KCNH8: variants seen among roughly 807,000 people sequenced by gnomAD.
KCNH8 encodes potassium voltage-gated channel subfamily H member 8, also known as voltage-gated delayed rectifier potassium channel KCNH8.
A neutral mutation model predicts 103.6 loss-of-function variants in KCNH8; 70 were observed. The ratio of observed to expected loss-of-function variants is 0.68; its 90% confidence interval spans 0.56 to 0.82. The LOEUF (loss-of-function observed/expected upper bound fraction) is 0.82, where lower values mean the gene tolerates loss of function less well. Ranked by LOEUF, KCNH8 falls within the 40% of genes least tolerant of loss-of-function variation. The pLI is 0.00. For synonymous variants in KCNH8, 498 were observed against 489.4 expected (o/e 1.02, Z -0.23); for missense variants, 1,217 against 1,329.9 (o/e 0.92, Z 1.32).
At chr3:19,241,735 C>G (rs1419735934) in intron 1 of KCNH8, among the ~76,000 whole-genome samples, 3 of 151,976 alleles carry the variant, frequency 2.0e-5, no homozygotes, top group South Asian at 2.1e-4. Context: ...CACACACACA[C>G]ACACACACAC....
intron 11 of KCNH8, among the ~76,000 whole-genome samples, chr3:19,463,976 C>T (rs913224380): frequency 5.3e-5 from 8 of 151,994 alleles, no homozygotes; most frequent in East Asian, 1.9e-4. Flanking sequence ...GAAACAATAC[C>T]GCTTGCGTAA....
At chr3:19,248,660 C>T (rs1205209530) in intron 1 of KCNH8, among the ~76,000 whole-genome samples, 1 of 152,140 alleles carries the variant, frequency 6.6e-6, no homozygotes, top group Admixed American at 6.6e-5. Context: ...AGCATTGGAT[C>T]TTAGACAGGA....
At chr3:19,400,544 G>C (rs1021102099) in intron 7 of KCNH8, among the ~76,000 whole-genome samples, 1 of 151,878 alleles carries the variant, frequency 6.6e-6, no homozygotes, top group African/African-American at 2.4e-5. Context: ...GTAATAGAGA[G>C]GAAGCTCTTT....
In KCNH8 at chr3:19,513,122, C is replaced by G. The variant is rs1426318433; in HGVS notation, c.2232C>G (p.Ser744Arg). 1.7e-5 allele frequency: 27 copies of G among 1,613,812 alleles called. No homozygotes were observed. Among genetic ancestry groups the G allele is most frequent in the Non-Finnish European group, 2.2e-5 (26 of 1,179,934 alleles). ...GSSSRNKKVG[S>R]NKAYLGLSLK... Reference sequence around the variant, plus strand: ...CTTCGCGCAACAAGAAGGTTGGAAGCAATAAAGCCTACCTGGGCTTAAGCT... The same window carrying G: ...CTTCGCGCAACAAGAAGGTTGGAAGGAATAAAGCCTACCTGGGCTTAAGCT... The change falls in exon 13 of 16, where the codon AGC becomes AGG. Residue 744 changes from serine to arginine, a missense_variant. Transcript: ENST00000328405.
chr3:19,489,119 T>A (rs1164878581), intron 11 of KCNH8, among the ~76,000 whole-genome samples: 1 of 151,794 alleles, frequency 6.6e-6, no homozygotes, highest in Non-Finnish European at 1.5e-5. Context: ...AAGGGAGGAG[T>A]TTCTCCTTCA....
chr3:19,488,114 G>A (rs757565833), intron 11 of KCNH8, among the ~76,000 whole-genome samples: 46 of 152,148 alleles, frequency 3.0e-4, no homozygotes, highest in Non-Finnish European at 2.5e-4. Flanking sequence ...ATTGAACAAA[G>A]CTCTCTCATC....
chr3:19,513,361 C>T (rs745345666), intron 13 of KCNH8, 36 bp downstream of exon 13: 141 of 1,545,236 alleles, frequency 9.1e-5, no homozygotes, highest in Non-Finnish European at 1.1e-4. Flanking sequence ...CTCACGTGAA[C>T]GTGGCTGCCT....
chr3:19,441,487 T>G (rs576248420), intron 8 of KCNH8, among the ~76,000 whole-genome samples: 9 of 152,322 alleles, frequency 5.9e-5, no homozygotes, highest in Middle Eastern at 3.4e-3. Context: ...ATGACAGATC[T>G]AAAGTATGGA....
chr3:19,239,635 A>AATCTATCTATCTATCT (rs10571316), intron 1 of KCNH8, among the ~76,000 whole-genome samples: 3 of 145,756 alleles, frequency 2.1e-5, no homozygotes, highest in African/African-American at 5.3e-5. Context: ...AGAATGATGG[A>AATCTATCTATCTATCT]ATCTATCTAT....
intron 1 of KCNH8, among the ~76,000 whole-genome samples, chr3:19,234,720 C>T (rs1165507106): frequency 2.6e-5 from 4 of 152,272 alleles, no homozygotes; most frequent in African/African-American, 9.6e-5. Flanking sequence ...AAGGGCTCCT[C>T]AAGTGCCGCC....
rs538864344 is a variant in KCNH8, at chr3:19,471,848, C to A, written c.2040+14866C>A. Among the ~76,000 whole-genome samples, 13 of 152,254 alleles carry A rather than the reference C, an allele frequency of 8.5e-5. No homozygotes were observed. The South Asian group carries it at 2.7e-3, about 32-fold the overall frequency. The stretch of plus-strand genomic sequence containing the variant: ...TAATCCTGTGATTACTGAATGCCAG[C>A]TAAGTTAATGGAGCATTCATAGGAA... On this transcript the variant is annotated intron_variant, in intron 11 of 15. Transcript: ENST00000328405.
intron 11 of KCNH8, among the ~76,000 whole-genome samples, chr3:19,466,770 T>C (rs1196293734): frequency 6.8e-6 from 1 of 146,032 alleles, no homozygotes; most frequent in Non-Finnish European, 1.5e-5. Context: ...CAAGCGATTC[T>C]CCTGCCTCAG....
At chr3:19,335,483 G>GTGTA (rs1482228213) in intron 3 of KCNH8, among the ~76,000 whole-genome samples, 8 of 141,362 alleles carry the variant, frequency 5.7e-5, no homozygotes, top group Non-Finnish European at 1.5e-5. Context: ...ATATGTGTGT[G>GTGTA]TATATATATA....
chr3:19,281,197 G>A lies in KCNH8; in HGVS notation c.311-1G>A. Reference sequence around the variant, plus strand: ...GTATTTTTTTTTCTTTACTGTTGCAGGGTCTCCATTTTGGTGCCTACTGGA... The same window carrying A: ...GTATTTTTTTTTCTTTACTGTTGCAAGGTCTCCATTTTGGTGCCTACTGGA... On this transcript the variant is annotated splice_acceptor_variant, in intron 2 of 15. Transcript: ENST00000328405. LOFTEE classifies it high-confidence loss of function. 1 of 1,608,504 alleles carries A rather than the reference G, an allele frequency of 6.2e-7. No individual in the cohort carries two copies. The highest frequency in any genetic ancestry group is 8.5e-7 in the Non-Finnish European group (1 of 1,177,344).
intron 1 of KCNH8, among the ~76,000 whole-genome samples, chr3:19,216,938 G>T (rs1265252585): frequency 6.6e-6 from 1 of 152,200 alleles, no homozygotes; most frequent in African/African-American, 2.4e-5. Flanking sequence ...CAATATGAGA[G>T]CAGGACTTTG....
chr3:19,533,380 G>A lies in KCNH8; in HGVS notation c.2620-15G>A, dbSNP rs373935823. 60 of 1,558,386 alleles carry A rather than the reference G, an allele frequency of 3.9e-5. 2 individuals carry two copies. The highest frequency in any genetic ancestry group is 4.8e-5 in the Non-Finnish European group (54 of 1,129,630). On this transcript the variant is annotated splice_polypyrimidine_tract_variant and intron_variant, in intron 15 of 15. Coordinates refer to ENST00000328405, the MANE Select transcript of KCNH8 (RefSeq NM_144633.3). ...ACCTCTAACTATTGTCTTTCACTTT[G>A]CTCTATCCACATAGGTAACAACATT...
intron 7 of KCNH8, among the ~76,000 whole-genome samples, chr3:19,422,667 A>AT (rs2066967828): frequency 6.6e-6 from 1 of 152,072 alleles, no homozygotes; most frequent in South Asian, 2.1e-4. Flanking sequence ...TTAGAAAGAC[A>AT]TTTTTTATCA....
chr3:19,452,809 C>T (rs1208409334), intron 10 of KCNH8, among the ~76,000 whole-genome samples: 1 of 152,082 alleles, frequency 6.6e-6, no homozygotes, highest in Non-Finnish European at 1.5e-5. Context: ...TTTCTAAAGT[C>T]AAAGCTAACC....
intron 12 of KCNH8, among the ~76,000 whole-genome samples, chr3:19,511,031 C>T (rs2125241227): frequency 6.6e-6 from 1 of 152,252 alleles, no homozygotes; most frequent in East Asian, 1.9e-4. Context: ...TTCTGGGTTA[C>T]ATGTGCAGAA....
Sources: gnomAD v4.1 joint callset for allele counts (sites outside exome capture counted in the v4.1 genomes callset) on GRCh38, gnomAD v4.1.1 for gene constraint, MANE v1.5 for transcripts, NCBI Gene and HGNC (gene_info 2026-07-23, HGNC 2026-07-21) for gene names.